Variants in SOBP observed in about 807,000 individuals in gnomAD.
SOBP encodes sine oculis binding protein homolog, also known as sine oculis-binding protein homolog.
A neutral mutation model predicts 53.6 loss-of-function variants in SOBP; 4 were observed. The ratio of observed to expected loss-of-function variants is 0.07; its 90% CI spans 0.04 to 0.17. SOBP has a LOEUF of 0.17. Ranked by LOEUF, SOBP falls within the 10% of genes least tolerant of loss-of-function variation. The pLI, the probability that SOBP is intolerant of heterozygous loss-of-function variation, is 1.00. For missense variants in SOBP, 1,088 were observed against 1,204.7 expected, an observed-to-expected ratio of 0.90 and a Z score of 1.43; for synonymous variants, 584 against 522.6, an observed-to-expected ratio of 1.12 and a Z score of -1.60.
intron 6 of SOBP, among the ~76,000 whole-genome samples, chr6:107,636,992 A>C (rs1326809973): frequency 6.6e-6 from 1 of 152,092 alleles, no homozygotes; most frequent in Non-Finnish European, 1.5e-5. Context: ...TTTTTAAAAA[A>C]CCACTGTAGG....
Position 107,509,495 on chromosome 6 carries a change from A to G in SOBP, c.421+3068A>G, listed in dbSNP as rs181611684. On this transcript the variant is annotated intron_variant, in intron 3 of 6. Coordinates refer to ENST00000317357, the MANE Select transcript of SOBP (RefSeq NM_018013.4). ...GACCTTTTTTCTTTTTTTTTGCCCT[A>G]GAGTTATCATGCACATAAATTGTGC... Among the ~76,000 whole-genome samples, 409 of 151,230 alleles carry G rather than the reference A, an allele frequency of 2.7e-3. 12 individuals are homozygous for G. The highest frequency in any genetic ancestry group is 6.6e-4 in the Non-Finnish European group (45 of 67,782).
chr6:107,596,129 A>G (rs1243717365), intron 5 of SOBP, among the ~76,000 whole-genome samples: 4 of 152,098 alleles, frequency 2.6e-5, no homozygotes, highest in Non-Finnish European at 1.5e-5. Context: ...TCTCTCATTC[A>G]TTGCTGGATC....
intron 6 of SOBP, among the ~76,000 whole-genome samples, chr6:107,657,335 C>G (rs756277107): frequency 3.3e-5 from 5 of 152,192 alleles, no homozygotes; most frequent in Non-Finnish European, 7.3e-5. Flanking sequence ...AAATCCTGTT[C>G]AGAGCCTCTG....
At position 107,506,422 on chromosome 6, in the gene SOBP, C is replaced by G. The variant is rs764613707; in HGVS notation, c.416C>G (p.Pro139Arg). ...PLIPPPFIKP[P>R]AEDDVSNVQI... ...ATTCCACCACCTTTCATAAAGCCACCAGCAGGTAAGTCACTACTGGTGTTT... is the reference window on the plus strand; with the variant it reads ...ATTCCACCACCTTTCATAAAGCCACGAGCAGGTAAGTCACTACTGGTGTTT... Residue 139 changes from proline to arginine, a missense_variant, in exon 3 of 7, where the codon CCA becomes CGA. Physicochemically the swap from Pro to Arg is moderately radical, Grantham distance 103. Transcript: ENST00000317357. 1.2e-6 allele frequency: 2 copies of G among 1,614,008 alleles called. No homozygotes were observed. Among genetic ancestry groups the G allele is most frequent in the East Asian group, 4.5e-5 (2 of 44,876 alleles).
At chr6:107,524,651 A>G (rs1164765276) in intron 3 of SOBP, among the ~76,000 whole-genome samples, 1 of 152,208 alleles carries the variant, frequency 6.6e-6, no homozygotes, top group African/African-American at 2.4e-5. Flanking sequence ...GAGGACTAGT[A>G]GGTGTTGGTC....
At chr6:107,503,511 C>A in intron 1 of SOBP, 146 bp from the exon 2 acceptor site, 1 of 822,108 alleles carries the variant, frequency 1.2e-6, no homozygotes, top group Non-Finnish European at 2.0e-6. Context: ...TGGTTTTGAA[C>A]ATGATTTGAA....
chr6:107,651,620 G>A (rs1375122806), intron 6 of SOBP, among the ~76,000 whole-genome samples: 1 of 152,218 alleles, frequency 6.6e-6, no homozygotes, highest in Non-Finnish European at 1.5e-5. Flanking sequence ...ATTGATGAAG[G>A]TGACTACACT....
chr6:107,597,047 T>C (rs1191720921), intron 5 of SOBP, among the ~76,000 whole-genome samples: 1 of 152,202 alleles, frequency 6.6e-6, no homozygotes, highest in Non-Finnish European at 1.5e-5. Context: ...AATGGAAAAT[T>C]TGAACCTGAT....
intron 6 of SOBP, among the ~76,000 whole-genome samples, chr6:107,648,540 T>C (rs925043673): frequency 6.6e-6 from 1 of 152,032 alleles, no homozygotes; most frequent in African/African-American, 2.4e-5. Context: ...TTTTTTTTTT[T>C]TCTTATGAAA....
At chr6:107,599,458 A>G (rs745411760) in intron 5 of SOBP, among the ~76,000 whole-genome samples, 2 of 152,168 alleles carry the variant, frequency 1.3e-5, no homozygotes, top group Non-Finnish European at 2.9e-5. Context: ...TATTCTTTAC[A>G]CTTTGCACAT....
chr6:107,555,531 C>T (rs910823442), intron 4 of SOBP, among the ~76,000 whole-genome samples: 1 of 152,228 alleles, frequency 6.6e-6, no homozygotes, highest in Admixed American at 6.5e-5. Flanking sequence ...GACGGTGCAG[C>T]TGTAAGCGCC....
intron 3 of SOBP, among the ~76,000 whole-genome samples, chr6:107,521,963 CTCAA>C (rs1188658562): frequency 3.4e-4 from 47 of 139,778 alleles, no homozygotes; most frequent in South Asian, 1.2e-3. Flanking sequence ...CACACACAAA[CTCAA>C]TCAAGTCTGA....
Position 107,575,736 on chromosome 6 carries a change from T to TAAG in SOBP, c.574-11333_574-11331dup, listed in dbSNP as rs1057051934. Reference sequence around the variant, plus strand: ...CCTGGAAATGTAATAATAATAATAATAAGAAGAAGAAGACAGGGTGACAGA... The same window carrying TAAG: ...CCTGGAAATGTAATAATAATAATAATAAGAAGAAGAAGAAGACAGGGTGACAGA... On this transcript the variant is annotated intron_variant, in intron 4 of 6. Coordinates refer to ENST00000317357, the MANE Select transcript of SOBP (RefSeq NM_018013.4). Among the ~76,000 whole-genome samples the TAAG allele has an allele frequency of 3.3e-5, 5 of 151,558 alleles. No homozygotes were observed. In the East Asian group the frequency reaches 7.8e-4, roughly 24 times the overall value.
chr6:107,552,403 CA>C (rs1275006147), intron 4 of SOBP, among the ~76,000 whole-genome samples: 1 of 152,110 alleles, frequency 6.6e-6, no homozygotes, highest in East Asian at 1.9e-4. Flanking sequence ...GCTGTTGTAT[CA>C]GGTGAAAATG....
chr6:107,526,995 G>T (rs965179381), intron 3 of SOBP, among the ~76,000 whole-genome samples: 34 of 152,192 alleles, frequency 2.2e-4, no homozygotes, highest in African/African-American at 8.2e-4. Context: ...AAAGACTCAT[G>T]TAGTATTATG....
Position 107,634,809 on chromosome 6 carries a change from C to T in SOBP, c.1965C>T (p.Asp655=). The change falls in exon 6 of 7, where the codon GAC becomes GAT. Residue 655 remains aspartate (D), a synonymous_variant. Transcript: ENST00000317357. The surrounding 1 kb of genome is among the most constrained non-coding windows in gnomAD (Gnocchi z 4.5). ...AGGGCCCGCAGGACGGCGTCATCGACCTGACCGTGGGCCACCGAGCCCGGC... is the reference window on the plus strand; with the variant it reads ...AGGGCCCGCAGGACGGCGTCATCGATCTGACCGTGGGCCACCGAGCCCGGC... ...VLQGPQDGVI[D]LTVGHRARLH... 1.4e-6 allele frequency: 2 copies of T among 1,407,272 alleles called. No individual in the cohort carries two copies. The highest frequency in any genetic ancestry group is 9.3e-7 in the Non-Finnish European group (1 of 1,077,800). 87.2% of individuals were successfully genotyped at this position (1,407,272 alleles called of 1,614,324 possible). A position where few individuals can be genotyped will look rare whatever the true frequency, so the allele number is the denominator to read the frequency against.
At chr6:107,547,497 TAA>T (rs1180852733) in intron 4 of SOBP, among the ~76,000 whole-genome samples, 1 of 152,256 alleles carries the variant, frequency 6.6e-6, no homozygotes, top group Non-Finnish European at 1.5e-5. Context: ...CGCTGAACTT[TAA>T]AAGAGTTGAC....
At chr6:107,558,379 C>T (rs951916588) in intron 4 of SOBP, 9 of 151,832 alleles carry the variant, frequency 5.9e-5, no homozygotes, top group African/African-American at 2.2e-4. Context: ...AGCAGTTCTT[C>T]TGCCTCAGCC....
intron 5 of SOBP, among the ~76,000 whole-genome samples, chr6:107,618,833 C>G (rs1421191420): frequency 1.3e-5 from 2 of 152,174 alleles, no homozygotes; most frequent in African/African-American, 4.8e-5. Context: ...TACTGGTATT[C>G]ATGACATCCT....
Sources: allele counts gnomAD v4.1 joint callset (sites outside exome capture counted in the v4.1 genomes callset), GRCh38; gene constraint gnomAD v4.1.1; non-coding constraint Gnocchi (gnomAD v3.1); transcripts MANE v1.5; gene names NCBI Gene and HGNC (gene_info 2026-07-23, HGNC 2026-07-21).